CERS6: variants seen among roughly 807,000 people sequenced by gnomAD.
The protein encoded by CERS6 is ceramide synthase 6.
CERS6 carries 26 observed loss-of-function variants against 56.8 expected under a neutral mutation model. The observed-to-expected ratio is 0.46, with a 90% CI of 0.34 to 0.63. The LOEUF is 0.63. Among genes scored for constraint, CERS6 ranks in the 30% least tolerant of loss-of-function variants. The probability of loss-of-function intolerance (pLI) is 0.01; values close to 1 mark genes in which losing one functional copy is unlikely to be tolerated. For synonymous variants in CERS6, 164 were observed against 173.3 expected (o/e 0.95, Z 0.42); for missense variants, 415 against 467.5 (o/e 0.89, Z 1.04).
chr2:168,563,448 T>G (rs1421229402), intron 3 of CERS6, among the ~76,000 whole-genome samples: 1 of 152,186 alleles, frequency 6.6e-6, no homozygotes, highest in Admixed American at 6.5e-5. Context: ...AATAGTGTTA[T>G]GGAAATAAGA....
At chr2:168,668,434 C>T (rs755416513) in intron 4 of CERS6, among the ~76,000 whole-genome samples, 110 of 144,202 alleles carry the variant, frequency 7.6e-4, no homozygotes, top group Admixed American at 6.5e-4. Flanking sequence ...CACTCCATTT[C>T]CAACTCTATC....
intron 8 of CERS6, among the ~76,000 whole-genome samples, chr2:168,729,051 C>G (rs1683441594): frequency 1.3e-5 from 2 of 150,314 alleles, no homozygotes; most frequent in East Asian, 1.9e-4. Flanking sequence ...CCTAGTAACG[C>G]TCTCTACACA....
At chr2:168,463,594 A>G (rs1200593287) in intron 1 of CERS6, among the ~76,000 whole-genome samples, 1 of 152,218 alleles carries the variant, frequency 6.6e-6, no homozygotes, top group Admixed American at 6.5e-5. Flanking sequence ...CCTTATCAGA[A>G]TATAGATTAT....
intron 4 of CERS6, among the ~76,000 whole-genome samples, chr2:168,655,066 G>C (rs1169136862): frequency 6.6e-6 from 1 of 152,178 alleles, no homozygotes; most frequent in African/African-American, 2.4e-5. Context: ...ATTTTTAAAA[G>C]TGGGCAAAGG....
chr2:168,761,882 TTAA>T (rs2105460638), intron 8 of CERS6, among the ~76,000 whole-genome samples: 1 of 152,194 alleles, frequency 6.6e-6, no homozygotes, highest in African/African-American at 2.4e-5. Context: ...CTTGTATTTA[TTAA>T]TAAATATTTA....
chr2:168,729,284 C>G (rs17197685), intron 8 of CERS6, among the ~76,000 whole-genome samples: 52,738 of 152,100 alleles, frequency 0.35, 11,615 homozygotes, highest in Non-Finnish European at 0.49. Flanking sequence ...GACCAGGCAT[C>G]TCACTTACTT....
chr2:168,744,906 A>G (rs1412067881), intron 8 of CERS6, among the ~76,000 whole-genome samples: 7 of 152,174 alleles, frequency 4.6e-5, no homozygotes, highest in African/African-American at 1.4e-4. Context: ...TCATCTGGGG[A>G]TTGTTTAAAA....
At chr2:168,690,348 G>A (rs1347307802) in intron 4 of CERS6, among the ~76,000 whole-genome samples, 1 of 152,092 alleles carries the variant, frequency 6.6e-6, no homozygotes, top group Non-Finnish European at 1.5e-5. Flanking sequence ...GGATAATTCG[G>A]CTGTCTGCTT....
At chr2:168,543,846 G>A (rs1040704335) in intron 1 of CERS6, among the ~76,000 whole-genome samples, 2 of 152,128 alleles carry the variant, frequency 1.3e-5, no homozygotes, top group African/African-American at 4.8e-5. Flanking sequence ...GACATTCTAG[G>A]GACAATAAGT....
intron 4 of CERS6, among the ~76,000 whole-genome samples, chr2:168,657,439 C>T (rs1310497955): frequency 6.6e-6 from 1 of 152,272 alleles, no homozygotes; most frequent in Non-Finnish European, 1.5e-5. Flanking sequence ...CATGCGCTCG[C>T]ATTCCTCAGC....
At chr2:168,680,732 G>T (rs147872426) in intron 4 of CERS6, among the ~76,000 whole-genome samples, 1 of 152,310 alleles carries the variant, frequency 6.6e-6, no homozygotes, top group East Asian at 1.9e-4. Flanking sequence ...TGGGTAGCTT[G>T]CCCTTCAGCA....
intron 4 of CERS6, among the ~76,000 whole-genome samples, chr2:168,682,686 G>A (rs575362043): frequency 6.6e-6 from 1 of 152,256 alleles, no homozygotes; most frequent in Admixed American, 6.5e-5. Context: ...TCACAATGGG[G>A]GGTGGGAGTT....
At chr2:168,546,493 G>A (rs1016146168) in intron 1 of CERS6, among the ~76,000 whole-genome samples, 4 of 152,124 alleles carry the variant, frequency 2.6e-5, no homozygotes, top group Admixed American at 1.3e-4. Context: ...ACTTGAAATA[G>A]GACCCAGTAG....
intron 4 of CERS6, among the ~76,000 whole-genome samples, chr2:168,647,744 C>G (rs1291438291): frequency 1.3e-5 from 2 of 152,086 alleles, no homozygotes; most frequent in African/African-American, 4.8e-5. Context: ...TTATCAGAAG[C>G]CTTTTCTGCA....
Position 168,769,874 on chromosome 2 carries a change from C to T in CERS6, c.*212C>T. Reference sequence around the variant, plus strand: ...TTGTAGGCATGCTGTATGTAATTGACACAAGGGAACAGTATTTGCATTTGT... The same window carrying T: ...TTGTAGGCATGCTGTATGTAATTGATACAAGGGAACAGTATTTGCATTTGT... On this transcript the variant is annotated 3_prime_UTR_variant, in exon 10 of 10. Transcript: ENST00000305747. 2 of 550,072 alleles carry T rather than the reference C, an allele frequency of 3.6e-6. No homozygotes were observed. Among genetic ancestry groups the T allele is most frequent in the Non-Finnish European group, 6.3e-6 (2 of 317,240 alleles). 34.1% of individuals were successfully genotyped at this position (550,072 alleles called of 1,614,324 possible).
At chr2:168,504,373 C>T (rs1167462914) in intron 1 of CERS6, among the ~76,000 whole-genome samples, 2 of 140,050 alleles carry the variant, frequency 1.4e-5, no homozygotes, top group Non-Finnish European at 3.2e-5. Context: ...CCCATTTAAA[C>T]AAAAAAAAAA....
At chr2:168,636,791 C>G (rs774958005) in intron 4 of CERS6, among the ~76,000 whole-genome samples, 3 of 152,120 alleles carry the variant, frequency 2.0e-5, no homozygotes, top group Non-Finnish European at 4.4e-5. Flanking sequence ...TTTACCCTAC[C>G]TCATTTTCCT....
chr2:168,483,815 C>T (rs986209074), intron 1 of CERS6, among the ~76,000 whole-genome samples: 27 of 152,270 alleles, frequency 1.8e-4, no homozygotes, highest in Non-Finnish European at 3.1e-4. Context: ...ATGAACATCT[C>T]GAACAGTGGC....
rs147566251 is a variant in CERS6, at chr2:168,583,025, G to C, written c.407+21703G>C. 5.8e-3 allele frequency: 893 copies of C among 153,438 alleles called. 11 individuals are homozygous for C. Among genetic ancestry groups the C allele is most frequent in the African/African-American group, 0.019 (804 of 41,600 alleles). 9.5% of individuals were successfully genotyped at this position (153,438 alleles called of 1,614,324 possible). On this transcript the variant is annotated intron_variant, in intron 3 of 9. Transcript: ENST00000305747. ...TGTGCCAGAAAACAACATAGGCAAG[G>C]CTTGCAGTTACAAAATAATGCATAG...
Sources: allele counts gnomAD v4.1 joint callset (sites outside exome capture counted in the v4.1 genomes callset), GRCh38; gene constraint gnomAD v4.1.1; transcripts MANE v1.5; gene names NCBI Gene and HGNC (gene_info 2026-07-23, HGNC 2026-07-21).